Variants in ARHGEF28 observed in about 807,000 individuals in gnomAD.
ARHGEF28 encodes 190 kDa guanine nucleotide exchange factor.
Under a neutral mutation model 206.6 loss-of-function variants are expected in ARHGEF28, and 152 were observed. The ratio of observed to expected loss-of-function variants is 0.74; its 90% CI spans 0.64 to 0.84. ARHGEF28 has a LOEUF of 0.84. Ranked by LOEUF, ARHGEF28 falls within the 40% of genes least tolerant of loss-of-function variation. ARHGEF28 has a pLI of 0.00. For synonymous variants in ARHGEF28, 763 were observed against 776.4 expected (o/e 0.98, Z 0.29); for missense variants, 2,028 against 2,073.2 (o/e 0.98, Z 0.42).
chr5:73,707,879 G>C, intron 2 of ARHGEF28, among the ~76,000 whole-genome samples: 1 of 152,232 alleles, frequency 6.6e-6, no homozygotes, highest in East Asian at 1.9e-4. Flanking sequence ...AGAAGTTGAT[G>C]AGTAATCCTA....
chr5:73,642,378 T>G (rs1226771592), intron 1 of ARHGEF28, among the ~76,000 whole-genome samples: 2 of 152,170 alleles, frequency 1.3e-5, no homozygotes, highest in Non-Finnish European at 2.9e-5. Flanking sequence ...AATTGGCTAT[T>G]TGGTTGGTCA....
chr5:73,900,953 C>A, intron 30 of ARHGEF28: 1 of 415,470 alleles, frequency 2.4e-6, no homozygotes. Flanking sequence ...GATGGTGATA[C>A]TTTGTGCGGT....
chr5:73,642,450 A>G (rs1469321817), intron 1 of ARHGEF28, among the ~76,000 whole-genome samples: 1 of 152,196 alleles, frequency 6.6e-6, no homozygotes, highest in African/African-American at 2.4e-5. Context: ...TAGACACAAT[A>G]GTCTTGACTC....
chr5:73,652,260 T>A (rs1744883383), intron 1 of ARHGEF28, among the ~76,000 whole-genome samples: 1 of 152,214 alleles, frequency 6.6e-6, no homozygotes, highest in Admixed American at 6.5e-5. Flanking sequence ...AGTCATATAA[T>A]GGCAACTAAA....
Position 73,885,906 on chromosome 5 carries a change from A to G in ARHGEF28, c.3112A>G (p.Ile1038Val), listed in dbSNP as rs1386492163. Residue 1038 changes from isoleucine to valine, a missense_variant, in exon 25 of 36, where the codon ATT becomes GTT. Ile to Val is a conservative substitution (Grantham distance 29). Around this residue, in one of 3 missense-constraint regions of ARHGEF28, gnomAD observed 223 missense variants for 289.9 expected, o/e 0.77. Transcript: ENST00000513042. ...AGCGCTTTGCTTAATTAAAGACATG[A>G]TTGCAACAGTGGATTTAAAAGTCAA... Reference protein sequence around the residue: ...RKALCLIKDMIATVDLKVNEY... With the variant: ...RKALCLIKDMVATVDLKVNEY... 2 of 1,613,764 alleles carry G rather than the reference A, an allele frequency of 1.2e-6. No homozygotes were observed. Among genetic ancestry groups the G allele is most frequent in the South Asian group, 2.2e-5 (2 of 91,040 alleles).
At chr5:73,676,684 A>T (rs1166259826) in intron 1 of ARHGEF28, among the ~76,000 whole-genome samples, 2 of 151,966 alleles carry the variant, frequency 1.3e-5, no homozygotes, top group Non-Finnish European at 2.9e-5. Context: ...TCTTATCATG[A>T]TTTTCTTTTT....
At chr5:73,687,080 A>G (rs1054283263) in intron 2 of ARHGEF28, among the ~76,000 whole-genome samples, 5 of 152,140 alleles carry the variant, frequency 3.3e-5, no homozygotes, top group Non-Finnish European at 7.4e-5. Context: ...ACAGGGGTTC[A>G]TATTGTTGTC....
chr5:73,893,650 G>C (rs78832090), intron 28 of ARHGEF28, among the ~76,000 whole-genome samples: 13,956 of 152,234 alleles, frequency 0.092, 877 homozygotes, highest in South Asian at 0.18. Flanking sequence ...TCCCCAGTTT[G>C]CAAGTGTGTG....
chr5:73,627,439 G>T (rs1253768647), intron 1 of ARHGEF28: 2 of 152,284 alleles, frequency 1.3e-5, no homozygotes, highest in East Asian at 3.9e-4. Context: ...AACAAATCAA[G>T]GACCTACCCT....
intron 35 of ARHGEF28, among the ~76,000 whole-genome samples, chr5:73,931,492 T>C (rs1209602349): frequency 6.6e-6 from 1 of 152,170 alleles, no homozygotes; most frequent in Admixed American, 6.5e-5. Context: ...TTTTATATCC[T>C]CTGATTTTTC....
chr5:73,891,595 G>A (rs564139584), intron 26 of ARHGEF28, among the ~76,000 whole-genome samples: 30 of 150,994 alleles, frequency 2.0e-4, no homozygotes, highest in African/African-American at 5.6e-4. Flanking sequence ...GCTGGAGTGC[G>A]CTCACTGCAA....
intron 2 of ARHGEF28, among the ~76,000 whole-genome samples, chr5:73,695,444 G>C (rs1365731656): frequency 6.6e-6 from 1 of 152,044 alleles, no homozygotes; most frequent in Non-Finnish European, 1.5e-5. Flanking sequence ...CTCTCGTCTT[G>C]ACCTCTGCCC....
intron 33 of ARHGEF28, among the ~76,000 whole-genome samples, chr5:73,906,891 C>T (rs976957594): frequency 6.6e-6 from 1 of 151,604 alleles, no homozygotes; most frequent in African/African-American, 2.4e-5. Flanking sequence ...CTTTATTTTT[C>T]ATTTTAATAG....
intron 35 of ARHGEF28, among the ~76,000 whole-genome samples, chr5:73,939,273 C>T (rs965895934): frequency 2.6e-5 from 4 of 152,122 alleles, no homozygotes; most frequent in African/African-American, 9.7e-5. Context: ...TGTAAAAGAC[C>T]TGGGACAACT....
At chr5:73,626,467 T>G (rs1205601154) in intron 1 of ARHGEF28, 145 bp downstream of exon 1, 1 of 152,148 alleles carries the variant, frequency 6.6e-6, no homozygotes, top group Non-Finnish European at 1.5e-5. Context: ...GGGGAACCGC[T>G]GCAGGCGCTG....
At chr5:73,849,279 G>T in intron 13 of ARHGEF28, 192 bp downstream of exon 13, 1 of 522,922 alleles carries the variant, frequency 1.9e-6, no homozygotes, top group Non-Finnish European at 3.3e-6. Flanking sequence ...GATCAGATTT[G>T]ATTTTGATGA....
At chr5:73,779,225 A>G (rs1296953714) in intron 6 of ARHGEF28, among the ~76,000 whole-genome samples, 4 of 152,212 alleles carry the variant, frequency 2.6e-5, no homozygotes, top group African/African-American at 9.6e-5. Flanking sequence ...TAAATATCCA[A>G]ACTGTAAAGA....
intron 9 of ARHGEF28, among the ~76,000 whole-genome samples, chr5:73,800,425 A>G (rs1052137683): frequency 1.3e-5 from 2 of 152,182 alleles, no homozygotes; most frequent in African/African-American, 4.8e-5. Context: ...TGTTGATTTT[A>G]TAGAGTGACC....
intron 11 of ARHGEF28, among the ~76,000 whole-genome samples, chr5:73,843,992 T>TA (rs1758146651): frequency 6.6e-6 from 1 of 152,310 alleles, no homozygotes; most frequent in East Asian, 1.9e-4. Flanking sequence ...ATATATTTTT[T>TA]AAAAAACTCT....
Sources: gnomAD v4.1 joint callset for allele counts (sites outside exome capture counted in the v4.1 genomes callset) on GRCh38, gnomAD v4.1.1 for gene constraint, gnomAD v4.1.1 regional missense constraint, MANE v1.5 for transcripts, NCBI Gene and HGNC (gene_info 2026-07-23, HGNC 2026-07-21) for gene names.